LURAP1L: variants seen among roughly 807,000 people sequenced by gnomAD.
The protein encoded by LURAP1L is leucine rich adaptor protein 1 like.
Under a neutral mutation model 13.8 loss-of-function variants are expected in LURAP1L, and 12 were observed. The ratio of observed to expected loss-of-function variants is 0.87; its 90% CI spans 0.56 to 1.41. The LOEUF is 1.41. Among genes scored for constraint, LURAP1L ranks in the 40% most tolerant of loss-of-function variants. LURAP1L has a pLI of 0.00. For synonymous variants in LURAP1L, 139 were observed against 119.2 expected, an observed-to-expected ratio of 1.17 and a Z score of -1.08; for missense variants, 375 against 292.9, an observed-to-expected ratio of 1.28 and a Z score of -2.04.
chr9:12,785,080 A>G (rs1819330908), intron 1 of LURAP1L, among the ~76,000 whole-genome samples: 1 of 151,760 alleles, frequency 6.6e-6, no homozygotes, highest in East Asian at 2.0e-4. Flanking sequence ...CTTATGGTGA[A>G]TCTTGCCAGG....
chr9:12,783,604 T>A (rs1819305387), intron 1 of LURAP1L, among the ~76,000 whole-genome samples: 1 of 152,178 alleles, frequency 6.6e-6, no homozygotes, highest in African/African-American at 2.4e-5. Context: ...TTAGGTTCAC[T>A]ATTATTTTGT....
Position 12,807,136 on chromosome 9 carries a change from A to G in LURAP1L, c.313-14250A>G, listed in dbSNP as rs1239063276. 3.0e-5 allele frequency among the ~76,000 whole-genome samples: 4 copies of G among 131,850 alleles called. No homozygotes were observed. In the East Asian group the frequency reaches 1.0e-3, roughly 33 times the overall value. The allele number at this position is 131,850 out of a possible 152,430, so 86.5% of individuals were successfully genotyped here. A position where few individuals can be genotyped will look rare whatever the true frequency, so the allele number is the denominator to read the frequency against. ...ATATATATTAGCCGGGCGTGGTGGCAGGCGCCTGTAGTCCCAGCTACTCGG... is the reference window on the plus strand; with the variant it reads ...ATATATATTAGCCGGGCGTGGTGGCGGGCGCCTGTAGTCCCAGCTACTCGG... On this transcript the variant is annotated intron_variant, in intron 1 of 1. Coordinates refer to ENST00000319264, the MANE Select transcript of LURAP1L (RefSeq NM_203403.2).
At position 12,788,194 on chromosome 9, in the gene LURAP1L, A is replaced by AGAAAGAAAG. The variant is rs1554657448; in HGVS notation, c.312+12167_312+12168insGAAAGAAAG. 8.7e-3 allele frequency among the ~76,000 whole-genome samples: 1,312 copies of AGAAAGAAAG among 151,520 alleles called. 25 individuals carry two copies. Among genetic ancestry groups the AGAAAGAAAG allele is most frequent in the East Asian group, 0.054 (273 of 5,030 alleles). On this transcript the variant is annotated intron_variant, in intron 1 of 1. Transcript: ENST00000319264. ...AAGAAAGAAAGAAAGAAAGAAAGAAAAGAAAAGAAAAGAAAAGCTCAATGT... is the reference window on the plus strand; with the variant it reads ...AAGAAAGAAAGAAAGAAAGAAAGAAAGAAAGAAAGAGAAAAGAAAAGAAAAGCTCAATGT...
intron 1 of LURAP1L, among the ~76,000 whole-genome samples, chr9:12,815,784 A>G (rs751069005): frequency 2.0e-5 from 3 of 152,314 alleles, no homozygotes; most frequent in East Asian, 1.9e-4. Context: ...TATATTCAGC[A>G]GCTCATGTGC....
intron 1 of LURAP1L, among the ~76,000 whole-genome samples, chr9:12,793,038 T>A (rs1001265689): frequency 3.3e-5 from 5 of 152,008 alleles, no homozygotes; most frequent in Non-Finnish European, 4.4e-5. Flanking sequence ...AACTAGAACA[T>A]AAGAAGGACG....
At chr9:12,809,422 C>G (rs1207515504) in intron 1 of LURAP1L, among the ~76,000 whole-genome samples, 1 of 152,210 alleles carries the variant, frequency 6.6e-6, no homozygotes, top group Non-Finnish European at 1.5e-5. Context: ...ATGAGCCCAT[C>G]AAAGGCATTA....
chr9:12,779,505 A>ACC (rs1819240197), intron 1 of LURAP1L, among the ~76,000 whole-genome samples: 2 of 151,954 alleles, frequency 1.3e-5, no homozygotes. Flanking sequence ...CTATCTCCTG[A>ACC]CCTCGTGATC....
chr9:12,777,373 C>T, intron 1 of LURAP1L: 4 of 985,158 alleles, frequency 4.1e-6, no homozygotes, highest in Non-Finnish European at 4.8e-6. Context: ...CGTGTGGAGA[C>T]TAACAGGTAA....
rs554903050 is a variant in LURAP1L at position 12,775,700 on chromosome 9, C to A, written c.-16C>A. ...CTGCTGCGTTTTATTACTATTATCG[C>A]CGTTCCGGAAAAGTCATGGAAGACA... On this transcript the variant is annotated 5_prime_UTR_variant, in exon 1 of 2. Transcript: ENST00000319264. 2.6e-6 allele frequency: 4 copies of A among 1,551,812 alleles called. No homozygotes were observed. The highest frequency in any genetic ancestry group is 2.5e-5 in the South Asian group (2 of 80,928).
chr9:12,805,729 TA>T (rs1223411007), intron 1 of LURAP1L, among the ~76,000 whole-genome samples: 1 of 152,216 alleles, frequency 6.6e-6, no homozygotes, highest in Admixed American at 6.5e-5. Context: ...GAACATTTTA[TA>T]GATTATGTGA....
rs536665332 is a variant in LURAP1L at position 12,809,115 on chromosome 9, A to T, written c.313-12271A>T. Among the ~76,000 whole-genome samples the T allele has an allele frequency of 1.7e-4, 26 of 152,264 alleles. No homozygotes were observed. The East Asian group carries it at 4.8e-3, about 28-fold the overall frequency. On this transcript the variant is annotated intron_variant, in intron 1 of 1. Coordinates refer to ENST00000319264, the MANE Select transcript of LURAP1L (RefSeq NM_203403.2). ...CCAGGACTCACATGAACGTAGAATG[A>T]TAACTCATTCATTATCATGAGGAGG...
intron 1 of LURAP1L, among the ~76,000 whole-genome samples, chr9:12,808,813 C>CTT (rs1347007072): frequency 6.6e-6 from 1 of 152,042 alleles, no homozygotes; most frequent in Non-Finnish European, 1.5e-5. Flanking sequence ...GCTTCTGTTC[C>CTT]TTTTTCTCTC....
chr9:12,806,382 C>CA (rs1819656476), intron 1 of LURAP1L, among the ~76,000 whole-genome samples: 2 of 147,234 alleles, frequency 1.4e-5, no homozygotes, highest in African/African-American at 5.0e-5. Flanking sequence ...TTGAGATTAT[C>CA]TTTTTTTTTT....
chr9:12,775,605 A>G lies in LURAP1L; in HGVS notation c.-111A>G, dbSNP rs1214677259. 2.1e-6 allele frequency: 3 copies of G among 1,451,924 alleles called. No homozygotes were observed. The highest frequency in any genetic ancestry group is 2.7e-6 in the Non-Finnish European group (3 of 1,101,876). 89.9% of individuals were successfully genotyped at this position (1,451,924 alleles called of 1,614,324 possible). A position where few individuals can be genotyped will look rare whatever the true frequency, so the allele number is the denominator to read the frequency against. ...GGACGGTACACCGGAGCGGCGGAGGATAGAGACCCTGGCCCCCGGAGAGGT... is the reference window on the plus strand; with the variant it reads ...GGACGGTACACCGGAGCGGCGGAGGGTAGAGACCCTGGCCCCCGGAGAGGT... On this transcript the variant is annotated 5_prime_UTR_variant, in exon 1 of 2. Transcript: ENST00000319264.
chr9:12,775,819 C>T lies in LURAP1L; in HGVS notation c.104C>T (p.Pro35Leu). The part of the protein sequence containing the change: ...VRSLRGEEPV[P>L]RERDRDPCGG... ...TCTCTCCGTGGGGAGGAGCCGGTTC[C>T]CAGGGAAAGGGACAGGGACCCCTGC... Residue 35 changes from proline (P) to leucine (L), a missense_variant, in exon 1 of 2, where the codon CCC (proline) becomes CTC (leucine). Physicochemically the swap from Pro to Leu is moderately conservative, Grantham distance 98. Transcript: ENST00000319264. The T allele has an allele frequency of 6.2e-7, 1 of 1,605,702 alleles. No individual in the cohort carries two copies. Among genetic ancestry groups the T allele is most frequent in the Non-Finnish European group, 8.5e-7 (1 of 1,177,156 alleles).
In LURAP1L at chr9:12,822,284, C is replaced by G. The variant is rs1001546392; in HGVS notation, c.*524C>G. On this transcript the variant is annotated 3_prime_UTR_variant, in exon 2 of 2. Transcript: ENST00000319264. ...ACATTCTAGTGTATAATCAACCATA[C>G]TGTTAGTCACACACGCCCACATGAC... is the stretch of plus-strand genomic sequence containing the variant. Among the ~76,000 whole-genome samples, 4 of 152,202 alleles carry G rather than the reference C, an allele frequency of 2.6e-5. No homozygotes were observed. Among genetic ancestry groups the G allele is most frequent in the Non-Finnish European group, 4.4e-5 (3 of 68,044 alleles).
chr9:12,821,498 G>A lies in LURAP1L; in HGVS notation c.425G>A (p.Gly142Asp), dbSNP rs1385076940. 5.6e-6 allele frequency: 9 copies of A among 1,614,200 alleles called. No homozygotes were observed. The highest frequency in any genetic ancestry group is 7.6e-6 in the Non-Finnish European group (9 of 1,180,042). Residue 142 changes from glycine to aspartate, a missense_variant, in exon 2 of 2, where the codon GGC (glycine) becomes GAC (aspartate). Physicochemically the swap from Gly to Asp is moderately conservative, Grantham distance 94. Coordinates refer to ENST00000319264, the MANE Select transcript of LURAP1L (RefSeq NM_203403.2). ...IEEKATITSR[G>D]SSLSGSLCSL... ...GAAAAAGCCACCATTACCAGCAGAG[G>A]CAGCAGCCTCAGTGGCAGCCTGTGC...
In LURAP1L at chr9:12,821,498, G is replaced by C; in HGVS notation, c.425G>C (p.Gly142Ala). 6.2e-7 allele frequency: 1 copy of C among 1,614,200 alleles called. No individual in the cohort carries two copies. Among genetic ancestry groups the C allele is most frequent in the Non-Finnish European group, 8.5e-7 (1 of 1,180,042 alleles). The change falls in exon 2 of 2, where the codon GGC becomes GCC. Residue 142 changes from glycine to alanine, a missense_variant. Transcript: ENST00000319264. ...IEEKATITSR[G>A]SSLSGSLCSL... ...GAAAAAGCCACCATTACCAGCAGAGGCAGCAGCCTCAGTGGCAGCCTGTGC... is the reference window on the plus strand; with the variant it reads ...GAAAAAGCCACCATTACCAGCAGAGCCAGCAGCCTCAGTGGCAGCCTGTGC...
At chr9:12,797,820 T>C (rs1272638758) in intron 1 of LURAP1L, among the ~76,000 whole-genome samples, 1 of 152,152 alleles carries the variant, frequency 6.6e-6, no homozygotes, top group Non-Finnish European at 1.5e-5. Context: ...TTGCTAATTA[T>C]AGGGCAAACA....
Sources: allele counts gnomAD v4.1 joint callset (sites outside exome capture counted in the v4.1 genomes callset), GRCh38; gene constraint gnomAD v4.1.1; transcripts MANE v1.5; gene names NCBI Gene and HGNC (gene_info 2026-07-23, HGNC 2026-07-21).